SPINK4: variants seen among roughly 807,000 people sequenced by gnomAD.
SPINK4 encodes serine peptidase inhibitor Kazal type 4.
SPINK4 carries 10 observed loss-of-function variants against 12.3 expected under a neutral mutation model. The observed-to-expected ratio is 0.81, with a 90% CI of 0.50 to 1.37. SPINK4 has a LOEUF of 1.37. SPINK4 is among the 40% of genes most tolerant of loss of function. The probability of loss-of-function intolerance (pLI) is 0.00; values close to 1 mark genes in which losing one functional copy is unlikely to be tolerated. For missense variants in SPINK4, 91 were observed against 109.0 expected (o/e 0.84, Z 0.73); for synonymous variants, 37 against 40.2 (o/e 0.92, Z 0.30).
intron 1 of SPINK4, among the ~76,000 whole-genome samples, chr9:33,240,989 A>C (rs1820229039): frequency 6.6e-6 from 1 of 152,244 alleles, no homozygotes. Flanking sequence ...ATAAAAGTTA[A>C]GGAAAAAATA....
intron 3 of SPINK4, chr9:33,248,021 T>A (rs1705173426): frequency 5.4e-6 from 1 of 184,662 alleles, no homozygotes; most frequent in African/African-American, 2.4e-5. Flanking sequence ...TGGGCTTGGG[T>A]GGCCAGTGGT....
intron 2 of SPINK4, among the ~76,000 whole-genome samples, chr9:33,246,364 C>T (rs991539550): frequency 1.6e-4 from 24 of 152,130 alleles, no homozygotes; most frequent in Non-Finnish European, 1.9e-4. Flanking sequence ...GCCTGCACAC[C>T]GGGGGCTCCA....
intron 3 of SPINK4, chr9:33,248,139 G>T (rs1320014998): frequency 6.8e-6 from 3 of 442,032 alleles, no homozygotes; most frequent in East Asian, 8.0e-5. Context: ...ATGGACAACT[G>T]CATGAACAGG....
intron 3 of SPINK4, 41 bp from the exon 4 acceptor site, chr9:33,248,385 T>G: frequency 1.2e-6 from 2 of 1,611,378 alleles, no homozygotes; most frequent in Non-Finnish European, 1.7e-6. Flanking sequence ...ACACTACAGC[T>G]CCTGAGAAGG....
intron 1 of SPINK4, among the ~76,000 whole-genome samples, chr9:33,244,116 A>T (rs904130960): frequency 2.6e-5 from 4 of 151,986 alleles, no homozygotes; most frequent in African/African-American, 9.7e-5. Flanking sequence ...ATTTACATAA[A>T]CGCCCTTCCT....
At chr9:33,246,540 G>C in intron 2 of SPINK4, 76 bp from the exon 3 acceptor site, 1 of 1,343,920 alleles carries the variant, frequency 7.4e-7, no homozygotes, top group South Asian at 1.2e-5. Context: ...GGCCCCACTG[G>C]TTCCGAGCAG....
At position 33,240,284 on chromosome 9, in the gene SPINK4, C is replaced by T; in HGVS notation, c.61+15C>T. 9 of 1,591,454 alleles carry T rather than the reference C, an allele frequency of 5.7e-6. No individual in the cohort carries two copies. Among genetic ancestry groups the T allele is most frequent in the Non-Finnish European group, 7.7e-6 (9 of 1,169,496 alleles). ...TGTGGACAGGGGTGAGTGGGCAGAA[C>T]CTGGATTCTCTGTGGCTTTGTGTTG... On this transcript the variant is annotated intron_variant, in intron 1 of 3. Transcript: ENST00000379721.
chr9:33,246,941 G>A (rs966858173), intron 3 of SPINK4, among the ~76,000 whole-genome samples: 2 of 152,096 alleles, frequency 1.3e-5, no homozygotes, highest in African/African-American at 4.8e-5. Context: ...TGGATAGGGA[G>A]TAGGGGCAGA....
intron 1 of SPINK4, among the ~76,000 whole-genome samples, chr9:33,242,428 G>A (rs1820246489): frequency 7.1e-6 from 1 of 140,034 alleles, no homozygotes; most frequent in African/African-American, 3.1e-5. Flanking sequence ...CGGAGACGAA[G>A]ACATTTCAGG....
chr9:33,247,101 G>A (rs1045984394), intron 3 of SPINK4, among the ~76,000 whole-genome samples: 9 of 151,778 alleles, frequency 5.9e-5, no homozygotes, highest in Admixed American at 5.3e-4. Flanking sequence ...TGGCCTTCTG[G>A]AACATACAAT....
At chr9:33,243,261 T>C (rs1178809842) in intron 1 of SPINK4, among the ~76,000 whole-genome samples, 1 of 152,026 alleles carries the variant, frequency 6.6e-6, no homozygotes. Context: ...TTAGTAGATA[T>C]GGGGTTTCAC....
In SPINK4 at chr9:33,248,440, A is replaced by G; in HGVS notation, c.230A>G (p.Asp77Gly). The part of the protein sequence containing the change: ...LCLARIKTKQ[D>G]IQIMKDGKC ...TTTGATCCTAGAAAAACCAAACAGG[A>G]CATCCAGATCATGAAAGATGGCAAA... Residue 77 changes from aspartate (D) to glycine (G), a missense_variant, in exon 4 of 4, where the codon GAC (aspartate) becomes GGC (glycine). Asp to Gly is a moderately conservative substitution (Grantham distance 94). Coordinates refer to ENST00000379721, the MANE Select transcript of SPINK4 (RefSeq NM_014471.3). 1 of 1,614,118 alleles carries G rather than the reference A, an allele frequency of 6.2e-7. No homozygotes were observed.
At chr9:33,247,464 G>A (rs778019488) in intron 3 of SPINK4, among the ~76,000 whole-genome samples, 12 of 152,060 alleles carry the variant, frequency 7.9e-5, no homozygotes, top group East Asian at 1.9e-4. Flanking sequence ...CACCGTGCCC[G>A]GCCTTCAGCA....
intron 3 of SPINK4, chr9:33,247,963 G>C (rs1015156489): frequency 5.9e-6 from 1 of 168,982 alleles, no homozygotes; most frequent in Non-Finnish European, 1.3e-5. Context: ...GTATGTGACT[G>C]TATGTAAAGG....
intron 2 of SPINK4, 107 bp from the exon 3 acceptor site, chr9:33,246,509 T>A (rs919722990): frequency 6.6e-5 from 56 of 843,558 alleles, no homozygotes; most frequent in Non-Finnish European, 9.7e-5. Context: ...GGGGGCCTTC[T>A]TGACTCTGAT....
intron 1 of SPINK4, among the ~76,000 whole-genome samples, chr9:33,241,134 G>A (rs1660908598): frequency 6.7e-6 from 1 of 150,174 alleles, no homozygotes; most frequent in Non-Finnish European, 1.5e-5. Context: ...GAAGATTCCA[G>A]GCAGAGGGAA....
At chr9:33,248,082 G>T in intron 3 of SPINK4, 1 of 274,056 alleles carries the variant, frequency 3.6e-6, no homozygotes, top group South Asian at 5.7e-5. Context: ...TCTGTGGGGG[G>T]CAGTGATGTT....
intron 1 of SPINK4, 61 bp from the exon 2 acceptor site, chr9:33,245,051 A>G: frequency 1.3e-6 from 2 of 1,560,300 alleles, no homozygotes; most frequent in Non-Finnish European, 1.7e-6. Flanking sequence ...AGCAGTCCTC[A>G]GACCCCTAGA....
intron 1 of SPINK4, among the ~76,000 whole-genome samples, chr9:33,243,451 C>T (rs911498955): frequency 6.6e-5 from 10 of 152,242 alleles, no homozygotes; most frequent in Middle Eastern, 6.8e-3. Flanking sequence ...TTCAAGTGAT[C>T]CTCCTGCCCC....
Sources: allele counts gnomAD v4.1 joint callset (sites outside exome capture counted in the v4.1 genomes callset), GRCh38; gene constraint gnomAD v4.1.1; transcripts MANE v1.5; gene names NCBI Gene and HGNC (gene_info 2026-07-23, HGNC 2026-07-21).